The following ACTN1 variants were observed in gnomAD, a reference collection of about 807,000 sequenced individuals.
ACTN1 encodes alpha-actinin-1.
Under a neutral mutation model 119.6 loss-of-function variants are expected in ACTN1, and 30 were observed. That is an observed-to-expected ratio of 0.25 (90% CI 0.19 to 0.34). The LOEUF is 0.34. Ranked by LOEUF, ACTN1 falls within the 10% of genes least tolerant of loss-of-function variation. The pLI is 1.00. For synonymous variants in ACTN1, 429 were observed against 472.6 expected (o/e 0.91, Z 1.20); for missense variants, 764 against 1,223.4 (o/e 0.62, Z 5.60).
intron 3 of ACTN1, among the ~76,000 whole-genome samples, chr14:68,920,453 C>T (rs2034575553): frequency 6.6e-6 from 1 of 152,208 alleles, no homozygotes; most frequent in African/African-American, 2.4e-5. Context: ...CAAGAAATTA[C>T]ACTACCTTCT....
At chr14:68,932,767 T>C (rs577547240) in intron 1 of ACTN1, among the ~76,000 whole-genome samples, 2 of 152,108 alleles carry the variant, frequency 1.3e-5, no homozygotes, top group South Asian at 4.1e-4. Flanking sequence ...TCTGAAAAAT[T>C]TTTTGGTGGG....
intron 2 of ACTN1, among the ~76,000 whole-genome samples, chr14:68,922,519 C>T (rs1174886076): frequency 1.3e-5 from 2 of 152,112 alleles, no homozygotes; most frequent in Non-Finnish European, 2.9e-5. Context: ...AGCACCACGT[C>T]CCCTCCCTGG....
Position 68,958,777 on chromosome 14 carries a change from C to T in ACTN1, c.105+20175G>A, listed in dbSNP as rs902577838. On this transcript the variant is annotated intron_variant, in intron 1 of 21. Transcript: ENST00000394419. ...GCAGAGGACATGCCAGCAGCCAGGG[C>T]GTGAGGCAGCTGGTAAGGGGGACTT... Among the ~76,000 whole-genome samples, 6 of 152,300 alleles carry T rather than the reference C, an allele frequency of 3.9e-5. No individual in the cohort carries two copies. The East Asian group carries it at 7.7e-4, about 20-fold the overall frequency.
intron 8 of ACTN1, among the ~76,000 whole-genome samples, chr14:68,899,606 C>T (rs2033173695): frequency 6.6e-6 from 1 of 152,032 alleles, no homozygotes; most frequent in African/African-American, 2.4e-5. Flanking sequence ...TCCTCAGAAC[C>T]CCCCATACCC....
chr14:68,950,574 T>C (rs908909842), intron 1 of ACTN1, among the ~76,000 whole-genome samples: 2 of 151,474 alleles, frequency 1.3e-5, no homozygotes, highest in Non-Finnish European at 2.9e-5. Context: ...ACTTTTTTTT[T>C]TTTTTGAGAC....
At chr14:68,923,213 T>C (rs776482001) in intron 2 of ACTN1, among the ~76,000 whole-genome samples, 1 of 152,112 alleles carries the variant, frequency 6.6e-6, no homozygotes, top group Non-Finnish European at 1.5e-5. Context: ...AGAGAGAAGA[T>C]GACCTGCCCC....
chr14:68,897,371 T>C (rs1004154819), intron 8 of ACTN1, among the ~76,000 whole-genome samples: 4 of 152,226 alleles, frequency 2.6e-5, no homozygotes, highest in Admixed American at 2.6e-4. Context: ...CAAGAGTTAT[T>C]TTTTAAAAGA....
At chr14:68,900,328 G>A (rs1179494052) in intron 8 of ACTN1, among the ~76,000 whole-genome samples, 3 of 152,026 alleles carry the variant, frequency 2.0e-5, no homozygotes, top group Non-Finnish European at 4.4e-5. Context: ...CACACACGTG[G>A]CACTTGTGAG....
chr14:68,939,066 T>C (rs913104209), intron 1 of ACTN1, among the ~76,000 whole-genome samples: 1 of 152,190 alleles, frequency 6.6e-6, no homozygotes, highest in African/African-American at 2.4e-5. Context: ...TTGAGAGGGC[T>C]CCTGGGCCAC....
At chr14:68,890,333 C>T (rs755550704) in intron 10 of ACTN1, 47 bp from the exon 11 acceptor site, 61 of 1,604,154 alleles carry the variant, frequency 3.8e-5, no homozygotes, top group Non-Finnish European at 4.3e-5. Context: ...TGGGCCTAGG[C>T]TTCAGGTCCC....
chr14:68,938,432 T>C (rs1445113883), intron 1 of ACTN1, among the ~76,000 whole-genome samples: 1 of 152,080 alleles, frequency 6.6e-6, no homozygotes, highest in Non-Finnish European at 1.5e-5. Context: ...ATCTGTCTGC[T>C]TGGACAGGAG....
rs188745053 is a variant in ACTN1 at position 68,909,639 on chromosome 14, G to A, written c.516-243C>T. ...ACCTGCCATATCCAGCCCTACCCCCGACCAAGGCCTATGGCCCTAGTCTGC... is the reference window on the plus strand; with the variant it reads ...ACCTGCCATATCCAGCCCTACCCCCAACCAAGGCCTATGGCCCTAGTCTGC... On this transcript the variant is annotated intron_variant, in intron 5 of 21. Coordinates refer to ENST00000394419, the MANE Select transcript of ACTN1 (RefSeq NM_001130004.2). The surrounding 1 kb of genome is among the most constrained non-coding windows in gnomAD (Gnocchi z 4.1). Among the ~76,000 whole-genome samples the A allele has an allele frequency of 5.9e-5, 9 of 152,254 alleles. No homozygotes were observed. The East Asian group carries it at 1.4e-3, about 23-fold the overall frequency.
chr14:68,900,524 T>C (rs1379865739), intron 8 of ACTN1, among the ~76,000 whole-genome samples: 1 of 150,480 alleles, frequency 6.6e-6, no homozygotes, highest in African/African-American at 2.5e-5. Flanking sequence ...TCCTGGATGT[T>C]TAAGGAAATA....
rs1221644168 is a variant in ACTN1, at chr14:68,909,247, G to T, written c.594+71C>A. 2 of 1,452,688 alleles carry T rather than the reference G, an allele frequency of 1.4e-6. No homozygotes were observed. Among genetic ancestry groups the T allele is most frequent in the Non-Finnish European group, 1.9e-6 (2 of 1,036,772 alleles). The allele number at this position is 1,452,688 out of a possible 1,614,324, so 90.0% of individuals were successfully genotyped here. A position where few individuals can be genotyped will look rare whatever the true frequency, so the allele number is the denominator to read the frequency against. ...TGGACCATGGACTGTCACAACAAGGGTCCTAGTCCTGCTCTTTTCCCACCC... is the reference window on the plus strand; with the variant it reads ...TGGACCATGGACTGTCACAACAAGGTTCCTAGTCCTGCTCTTTTCCCACCC... On this transcript the variant is annotated intron_variant, in intron 6 of 21. Transcript: ENST00000394419. This position sits in a 1 kb window ranked among gnomAD's most constrained non-coding sequence, Gnocchi z 4.1.
At chr14:68,877,011 C>G (rs2030975214) in intron 21 of ACTN1, 71 bp downstream of exon 21, 3 of 1,568,236 alleles carry the variant, frequency 1.9e-6, no homozygotes, top group African/African-American at 2.7e-5. Flanking sequence ...TGTTCCAGCT[C>G]TCACCCCTTT....
At chr14:68,891,489 A>G (rs1449733270) in intron 10 of ACTN1, among the ~76,000 whole-genome samples, 3 of 152,190 alleles carry the variant, frequency 2.0e-5, no homozygotes, top group African/African-American at 4.8e-5. Context: ...AAATACATAT[A>G]CTTTAGGATT....
At position 68,936,067 on chromosome 14, in the gene ACTN1, C is replaced by T. The variant is rs568538344; in HGVS notation, c.106-10395G>A. ...TCCCTTCCAGCTCTGCTAGCGCAAA[C>T]AAGTCCCTCCTACCTTGCAGGCTGG... On this transcript the variant is annotated intron_variant, in intron 1 of 21. Transcript: ENST00000394419. Among the ~76,000 whole-genome samples, 14 of 152,332 alleles carry T rather than the reference C, an allele frequency of 9.2e-5. No homozygotes were observed. In the East Asian group the frequency reaches 2.3e-3, roughly 25 times the overall value.
chr14:68,959,853 G>A (rs1367690143), intron 1 of ACTN1, among the ~76,000 whole-genome samples: 2 of 152,272 alleles, frequency 1.3e-5, no homozygotes, highest in Middle Eastern at 3.4e-3. Context: ...CTATGCAGTA[G>A]AAAATCCACA....
In ACTN1 at chr14:68,909,942, C is replaced by T; in HGVS notation, c.515+13G>A. 6.2e-7 allele frequency: 1 copy of T among 1,612,074 alleles called. No individual in the cohort carries two copies. The highest frequency in any genetic ancestry group is 8.5e-7 in the Non-Finnish European group (1 of 1,178,324). ...CCTGGTTCTGTGAGAGCCCCTCAGA[C>T]CCCAGCACTCACCTTATGTGGAAGT... On this transcript the variant is annotated intron_variant, in intron 5 of 21. Coordinates refer to ENST00000394419, the MANE Select transcript of ACTN1 (RefSeq NM_001130004.2). This position sits in a 1 kb window ranked among gnomAD's most constrained non-coding sequence, Gnocchi z 4.1.
Sources: allele counts gnomAD v4.1 joint callset (sites outside exome capture counted in the v4.1 genomes callset), GRCh38; gene constraint gnomAD v4.1.1; non-coding constraint Gnocchi (gnomAD v3.1); transcripts MANE v1.5; gene names NCBI Gene and HGNC (gene_info 2026-07-23, HGNC 2026-07-21).